AMOTL1: variants seen among roughly 807,000 people sequenced by gnomAD.
AMOTL1 encodes angiomotin like 1, also known as angiomotin-like protein 1.
Under a neutral mutation model 102.9 loss-of-function variants are expected in AMOTL1, and 45 were observed. That is an observed-to-expected ratio of 0.44 (90% CI 0.34 to 0.56). The LOEUF (loss-of-function observed/expected upper bound fraction) is 0.56. Among genes scored for constraint, AMOTL1 ranks in the 20% least tolerant of loss-of-function variants. AMOTL1 has a pLI of 0.01. For missense variants in AMOTL1, 1,114 were observed against 1,225.6 expected, an observed-to-expected ratio of 0.91 and a Z score of 1.36; for synonymous variants, 481 against 484.7, an observed-to-expected ratio of 0.99 and a Z score of 0.10.
intron 2 of AMOTL1, among the ~76,000 whole-genome samples, chr11:94,740,046 G>A (rs908587124): frequency 6.6e-6 from 1 of 152,054 alleles, no homozygotes; most frequent in East Asian, 1.9e-4. Flanking sequence ...ATGATGTCAC[G>A]CATAAATTAA....
chr11:94,835,807 A>C (rs1952167712), intron 6 of AMOTL1, among the ~76,000 whole-genome samples: 1 of 152,242 alleles, frequency 6.6e-6, no homozygotes, highest in African/African-American at 2.4e-5. Context: ...TAAAAACAGA[A>C]GATTTCTTGG....
At chr11:94,848,219 T>C (rs1334644193) in intron 6 of AMOTL1, among the ~76,000 whole-genome samples, 2 of 152,166 alleles carry the variant, frequency 1.3e-5, no homozygotes, top group Non-Finnish European at 2.9e-5. Flanking sequence ...ACTGACCCCT[T>C]AGTTTAGGTC....
Position 94,768,468 on chromosome 11 carries a change from G to A in AMOTL1, c.-44G>A. 1 of 1,563,720 alleles carries A rather than the reference G, an allele frequency of 6.4e-7. No individual in the cohort carries two copies. Among genetic ancestry groups the A allele is most frequent in the Non-Finnish European group, 8.7e-7 (1 of 1,155,878 alleles). Reference sequence around the variant, plus strand: ...CGCCACTTCCCCGCGCTGCCCGGCAGCCGTCTTCCCCAGCCGAGGGACTGA... The same window carrying A: ...CGCCACTTCCCCGCGCTGCCCGGCAACCGTCTTCCCCAGCCGAGGGACTGA... On this transcript the variant is annotated 5_prime_UTR_variant, in exon 1 of 13. Transcript: ENST00000433060.
At chr11:94,778,281 G>A (rs1847221212) in intron 1 of AMOTL1, among the ~76,000 whole-genome samples, 1 of 152,144 alleles carries the variant, frequency 6.6e-6, no homozygotes, top group African/African-American at 2.4e-5. Flanking sequence ...CTAGAAATCT[G>A]CTTAAATTGA....
rs1040777704 is a variant in AMOTL1 at position 94,875,321 on chromosome 11, T to G, written c.*4526T>G. On this transcript the variant is annotated 3_prime_UTR_variant, in exon 13 of 13. Transcript: ENST00000433060. ...TGGAACAAATGAGCAATTTTTCCTC[T>G]TTCTCTTAAGTAGTATACCCTTTTC... is the stretch of plus-strand genomic sequence containing the variant. The G allele has an allele frequency of 2.0e-5, 3 of 152,196 alleles. No homozygotes were observed. Among genetic ancestry groups the G allele is most frequent in the Non-Finnish European group, 2.9e-5 (2 of 68,034 alleles). The allele number at this position is 152,196 out of a possible 1,614,324, so 9.4% of individuals were successfully genotyped here.
chr11:94,737,236 C>T (rs1301464075), intron 2 of AMOTL1, among the ~76,000 whole-genome samples: 2 of 152,222 alleles, frequency 1.3e-5, no homozygotes, highest in Non-Finnish European at 2.9e-5. Flanking sequence ...AGGGGTAAAC[C>T]TGTTGCCAGC....
chr11:94,752,842 C>T (rs536871482), intron 3 of AMOTL1, among the ~76,000 whole-genome samples: 7 of 152,102 alleles, frequency 4.6e-5, no homozygotes, highest in Middle Eastern at 3.4e-3. Context: ...GGTTTGGGGC[C>T]GGTGGGGTGG....
intron 6 of AMOTL1, among the ~76,000 whole-genome samples, chr11:94,839,600 C>G (rs987389373): frequency 6.6e-6 from 1 of 152,220 alleles, no homozygotes; most frequent in African/African-American, 2.4e-5. Flanking sequence ...TGTTGAACTC[C>G]TGGTGATTTT....
chr11:94,864,699 T>C (rs750896840), intron 9 of AMOTL1, 36 bp from the exon 10 acceptor site: 4 of 1,599,636 alleles, frequency 2.5e-6, no homozygotes, highest in Non-Finnish European at 2.6e-6. Flanking sequence ...AGCAAGAAGG[T>C]TTCCTATGAT....
chr11:94,757,443 T>G (rs1289569907), intron 3 of AMOTL1, among the ~76,000 whole-genome samples: 1 of 152,156 alleles, frequency 6.6e-6, no homozygotes, highest in African/African-American at 2.4e-5. Context: ...CAGGCCCATC[T>G]GGCTGCTAAG....
At chr11:94,711,612 C>CGT (rs1197391573) in intron 1 of AMOTL1, among the ~76,000 whole-genome samples, 1 of 152,118 alleles carries the variant, frequency 6.6e-6, no homozygotes, top group Non-Finnish European at 1.5e-5. Flanking sequence ...GGTCCCATCC[C>CGT]TAACCCTTTG....
intron 1 of AMOTL1, among the ~76,000 whole-genome samples, chr11:94,769,217 G>A (rs1950906982): frequency 1.3e-5 from 2 of 152,230 alleles, no homozygotes; most frequent in African/African-American, 4.8e-5. Flanking sequence ...ACAATAATCT[G>A]CTTTCGCGGG....
chr11:94,709,453 C>T (rs1240645781), intron 1 of AMOTL1, among the ~76,000 whole-genome samples: 1 of 152,082 alleles, frequency 6.6e-6, no homozygotes, highest in Non-Finnish European at 1.5e-5. Flanking sequence ...GCACTGAACA[C>T]AGGTTTGGGA....
intron 1 of AMOTL1, among the ~76,000 whole-genome samples, chr11:94,779,040 T>C (rs1212170340): frequency 7.3e-6 from 1 of 137,836 alleles, no homozygotes; most frequent in African/African-American, 2.7e-5. Context: ...AAAATAGATA[T>C]AATTATAAGC....
chr11:94,724,350 G>A (rs1382546000), intron 1 of AMOTL1, among the ~76,000 whole-genome samples: 1 of 152,144 alleles, frequency 6.6e-6, no homozygotes, highest in African/African-American at 2.4e-5. Context: ...GATTGCTGGT[G>A]AATATTAATA....
At chr11:94,864,931 T>C (rs906451903) in intron 10 of AMOTL1, 71 bp downstream of exon 10, 3 of 1,533,060 alleles carry the variant, frequency 2.0e-6, no homozygotes, top group Non-Finnish European at 2.6e-6. Context: ...AACAGATTGC[T>C]TCTCTGTCCT....
At chr11:94,824,755 C>T (rs1951932270) in intron 4 of AMOTL1, among the ~76,000 whole-genome samples, 1 of 152,212 alleles carries the variant, frequency 6.6e-6, no homozygotes, top group Admixed American at 6.5e-5. Flanking sequence ...CCCTGTTTTG[C>T]TGTACAATCT....
At chr11:94,823,171 C>G (rs189336875) in intron 4 of AMOTL1, among the ~76,000 whole-genome samples, 1 of 152,264 alleles carries the variant, frequency 6.6e-6, no homozygotes, top group African/African-American at 2.4e-5. Context: ...TGAGGGTTGT[C>G]AGGGAGCAGT....
chr11:94,751,035 C>G (rs1950647273), intron 3 of AMOTL1, among the ~76,000 whole-genome samples: 1 of 151,626 alleles, frequency 6.6e-6, no homozygotes, highest in South Asian at 2.1e-4. Context: ...CATCTAATCT[C>G]TGGCTCCAGA....
Sources: gnomAD v4.1 joint callset for allele counts (sites outside exome capture counted in the v4.1 genomes callset) on GRCh38, gnomAD v4.1.1 for gene constraint, MANE v1.5 for transcripts, NCBI Gene and HGNC (gene_info 2026-07-23, HGNC 2026-07-21) for gene names.